Variants in OTUD4 observed in about 807,000 individuals in gnomAD.
OTUD4 encodes the protein OTU domain-containing protein 4.
Under a neutral mutation model 130.4 loss-of-function variants are expected in OTUD4, and 24 were observed. The ratio of observed to expected loss-of-function variants is 0.18; its 90% CI spans 0.13 to 0.26. OTUD4 has a LOEUF of 0.26. Ranked by LOEUF, OTUD4 falls within the 10% of genes least tolerant of loss-of-function variation. The pLI is 1.00. For synonymous variants in OTUD4, 420 were observed against 472.5 expected (o/e 0.89, Z 1.44); for missense variants, 1,031 against 1,329.4 (o/e 0.78, Z 3.49).
In OTUD4 at chr4:145,137,114, C is replaced by A; in HGVS notation, c.*316G>T. Reference sequence around the variant, plus strand: ...CTTATAAACTTATAAGGAAAAAAGCCAAACACTAAATCTATAATGTTTTAT... The same window carrying A: ...CTTATAAACTTATAAGGAAAAAAGCAAAACACTAAATCTATAATGTTTTAT... On this transcript the variant is annotated 3_prime_UTR_variant, in exon 21 of 21. Transcript: ENST00000447906. The A allele has an allele frequency of 4.8e-6, 1 of 209,666 alleles. No individual in the cohort carries two copies. Among genetic ancestry groups the A allele is most frequent in the Non-Finnish European group, 9.5e-6 (1 of 105,546 alleles). The allele number at this position is 209,666 out of a possible 1,614,324, so 13.0% of individuals were successfully genotyped here. A position where few individuals can be genotyped will look rare whatever the true frequency, so the allele number is the denominator to read the frequency against.
chr4:145,172,749 C>T lies in OTUD4; in HGVS notation c.244-1029G>A, dbSNP rs149657910. On this transcript the variant is annotated intron_variant, in intron 2 of 20. Coordinates refer to ENST00000447906, the MANE Select transcript of OTUD4 (RefSeq NM_001366057.1). The stretch of plus-strand genomic sequence containing the variant: ...AAATTGCCAAAAATATCTTAAATTT[C>T]GAAAGATATTTATAATAAAAGAGCC... Among the ~76,000 whole-genome samples the T allele has an allele frequency of 4.4e-3, 669 of 151,618 alleles. 3 individuals are homozygous for T. The highest frequency in any genetic ancestry group is 0.015 in the African/African-American group (612 of 41,318).
rs1303310426 is a variant in OTUD4 at position 145,144,463 on chromosome 4, G to C, written c.1423-29C>G. ...TAAAATGAACAAAACCCAACATTTT[G>C]TGTTAAAGATTTACCCACAGATACA... On this transcript the variant is annotated intron_variant, in intron 14 of 20. Coordinates refer to ENST00000447906, the MANE Select transcript of OTUD4 (RefSeq NM_001366057.1). The C allele has an allele frequency of 1.3e-5, 20 of 1,598,400 alleles. No homozygotes were observed. In the Admixed American group the frequency reaches 3.5e-4, roughly 28 times the overall value.
At chr4:145,179,457 A>ATT in intron 1 of OTUD4, 2 of 287,348 alleles carry the variant, frequency 7.0e-6, no homozygotes, top group South Asian at 5.9e-5. Flanking sequence ...GGTGCTTCTC[A>ATT]AACGAAGGGA....
intron 3 of OTUD4, among the ~76,000 whole-genome samples, chr4:145,166,392 CCT>C (rs1321042069): frequency 1.3e-5 from 2 of 151,872 alleles, no homozygotes; most frequent in South Asian, 2.1e-4. Context: ...TCCCATATAC[CCT>C]GTGACCCAGC....
At chr4:145,162,430 C>T (rs1579275138) in intron 6 of OTUD4, among the ~76,000 whole-genome samples, 1 of 151,528 alleles carries the variant, frequency 6.6e-6, no homozygotes, top group Admixed American at 6.6e-5. Context: ...GGCGGGCGCC[C>T]GTAGTCCCAG....
At chr4:145,169,691 T>C (rs1752056171) in intron 3 of OTUD4, among the ~76,000 whole-genome samples, 1 of 152,154 alleles carries the variant, frequency 6.6e-6, no homozygotes, top group Non-Finnish European at 1.5e-5. Context: ...TTCACCATCT[T>C]GAACTCCTGA....
chr4:145,163,896 C>T (rs988775630), intron 5 of OTUD4, among the ~76,000 whole-genome samples: 6 of 151,824 alleles, frequency 4.0e-5, no homozygotes, highest in African/African-American at 7.2e-5. Flanking sequence ...TCAGTAGAGA[C>T]AGGGTTTCTC....
intron 17 of OTUD4, among the ~76,000 whole-genome samples, 164 bp downstream of exon 17, chr4:145,143,201 A>G (rs1321625943): frequency 1.3e-5 from 2 of 152,246 alleles, no homozygotes; most frequent in Non-Finnish European, 2.9e-5. Flanking sequence ...TTCTAGACTA[A>G]CATCAGAATA....
chr4:145,143,450 G>A lies in OTUD4; in HGVS notation c.1603-5C>T, dbSNP rs755384153. 8.2e-6 allele frequency: 13 copies of A among 1,587,892 alleles called. No individual in the cohort carries two copies. In the East Asian group the frequency reaches 2.5e-4, roughly 30 times the overall value. On this transcript the variant is annotated splice_polypyrimidine_tract_variant and splice_region_variant and intron_variant, in intron 16 of 20. Coordinates refer to ENST00000447906, the MANE Select transcript of OTUD4 (RefSeq NM_001366057.1). ...ATATTTATCATCAGTAATATTCTTTGGAAGCAAAAAAGAAGCAAAGTTTTG... is the reference window on the plus strand; with the variant it reads ...ATATTTATCATCAGTAATATTCTTTAGAAGCAAAAAAGAAGCAAAGTTTTG...
chr4:145,159,112 TAAGA>T, intron 7 of OTUD4: 1 of 1,036,682 alleles, frequency 9.6e-7, no homozygotes, highest in Non-Finnish European at 1.2e-6. Context: ...AGGCACTACC[TAAGA>T]AAGAAAACAA....
intron 1 of OTUD4, among the ~76,000 whole-genome samples, chr4:145,177,218 C>T (rs1047006362): frequency 6.6e-5 from 10 of 152,204 alleles, no homozygotes; most frequent in African/African-American, 2.2e-4. Flanking sequence ...TGGAGCTAGT[C>T]TTAAAGCCAT....
chr4:145,163,872 A>C (rs187732616), intron 5 of OTUD4, among the ~76,000 whole-genome samples: 1 of 151,816 alleles, frequency 6.6e-6, no homozygotes, highest in Non-Finnish European at 1.5e-5. Context: ...ACGCCCGGCT[A>C]ATTTTGTATT....
chr4:145,172,633 A>T (rs1309342604), intron 2 of OTUD4, among the ~76,000 whole-genome samples: 18 of 152,222 alleles, frequency 1.2e-4, no homozygotes, highest in Admixed American at 3.9e-4. Flanking sequence ...AGATATACTT[A>T]AAGACATTAA....
In OTUD4 at chr4:145,150,705, G is replaced by GT. The variant is rs36226299; in HGVS notation, c.1073-7dup. ...TGGCCCTCTGTAATCCACATCTGTTGTAAGAACCCAAAAGTACATGATAAT... is the reference window on the plus strand; with the variant it reads ...TGGCCCTCTGTAATCCACATCTGTTGTTAAGAACCCAAAAGTACATGATAAT... On this transcript the variant is annotated splice_polypyrimidine_tract_variant and splice_region_variant and intron_variant, in intron 12 of 20. Transcript: ENST00000447906. 4.8e-5 allele frequency: 77 copies of GT among 1,606,970 alleles called. No homozygotes were observed. The African/African-American group carries it at 9.2e-4, about 19-fold the overall frequency.
intron 3 of OTUD4, among the ~76,000 whole-genome samples, chr4:145,169,010 T>C (rs753240174): frequency 6.6e-6 from 1 of 152,234 alleles, no homozygotes; most frequent in African/African-American, 2.4e-5. Flanking sequence ...TTTTAGTATT[T>C]CCAATAGGCT....
rs1752029048 is a variant in OTUD4 at position 145,169,177 on chromosome 4, G to A, written c.294+2493C>T. On this transcript the variant is annotated intron_variant, in intron 3 of 20. Coordinates refer to ENST00000447906, the MANE Select transcript of OTUD4 (RefSeq NM_001366057.1). ...CAAAAAGGCAAAAGGAAACTTTCTG[G>A]AGAGATGGAAATGTCCTTTATGATG... is the stretch of plus-strand genomic sequence containing the variant. Among the ~76,000 whole-genome samples, 3 of 152,306 alleles carry A rather than the reference G, an allele frequency of 2.0e-5. No individual in the cohort carries two copies. The South Asian group carries it at 6.2e-4, about 32-fold the overall frequency.
chr4:145,150,389 A>T, intron 13 of OTUD4, 124 bp downstream of exon 13: 1 of 596,106 alleles, frequency 1.7e-6, no homozygotes, highest in Non-Finnish European at 2.9e-6. Flanking sequence ...AAATGCTCTT[A>T]ATACTAATAT....
chr4:145,178,746 G>C (rs531927520), intron 1 of OTUD4, among the ~76,000 whole-genome samples: 162 of 152,284 alleles, frequency 1.1e-3, no homozygotes, highest in Non-Finnish European at 2.0e-3. Flanking sequence ...GTTTAAAAAT[G>C]AGAACAGACT....
chr4:145,139,401 G>C (rs909602851), intron 20 of OTUD4, among the ~76,000 whole-genome samples: 1 of 152,202 alleles, frequency 6.6e-6, no homozygotes, highest in Non-Finnish European at 1.5e-5. Context: ...AACAAGGACA[G>C]AGTTCTCCAA....
Sources: gnomAD v4.1 joint callset for allele counts (sites outside exome capture counted in the v4.1 genomes callset) on GRCh38, gnomAD v4.1.1 for gene constraint, MANE v1.5 for transcripts, NCBI Gene and HGNC (gene_info 2026-07-23, HGNC 2026-07-21) for gene names.